PCDH15: variants seen among roughly 807,000 people sequenced by gnomAD.
PCDH15 encodes the protein protocadherin related 15.
PCDH15 carries 129 observed loss-of-function variants against 178.5 expected under a neutral mutation model. That is an observed-to-expected ratio of 0.72 (90% CI 0.63 to 0.84). The LOEUF is 0.84. Among genes scored for constraint, PCDH15 ranks in the 40% least tolerant of loss-of-function variants. The pLI is 0.00. For missense variants in PCDH15, 2,230 were observed against 2,099.9 expected (o/e 1.06, Z -1.21); for synonymous variants, 800 against 732.0 (o/e 1.09, Z -1.50).
intron 1 of PCDH15, among the ~76,000 whole-genome samples, chr10:54,724,681 T>TA (rs1266227987): frequency 2.6e-5 from 4 of 151,440 alleles, no homozygotes; most frequent in Admixed American, 6.6e-5. Context: ...TATTTCCTTT[T>TA]AAAATGGTTT....
intron 10 of PCDH15, among the ~76,000 whole-genome samples, chr10:54,197,802 T>A (rs1035061080): frequency 7.9e-5 from 12 of 152,158 alleles, no homozygotes; most frequent in African/African-American, 2.9e-4. Flanking sequence ...TTCATATTAT[T>A]TATATTGAAG....
rs1199056058 is a variant in PCDH15, at chr10:53,840,306, C to T, written c.3983+14G>A. ...GTAACCAAAGAGCTGTTACAGATAACAAAAAGCACTTACTTAAAAAGCTCA... is the reference window on the plus strand; with the variant it reads ...GTAACCAAAGAGCTGTTACAGATAATAAAAAGCACTTACTTAAAAAGCTCA... On this transcript the variant is annotated intron_variant, in intron 29 of 37. Transcript: ENST00000644397. 1 of 1,612,940 alleles carries T rather than the reference C, an allele frequency of 6.2e-7. No homozygotes were observed. Among genetic ancestry groups the T allele is most frequent in the East Asian group, 2.2e-5 (1 of 44,872 alleles).
intron 2 of PCDH15, among the ~76,000 whole-genome samples, chr10:54,655,296 G>GAGAC (rs2094368899): frequency 2.5e-5 from 3 of 120,134 alleles, no homozygotes; most frequent in African/African-American, 5.9e-5. Flanking sequence ...GAGAGAGAGA[G>GAGAC]AGAGAGACAG....
chr10:53,939,720 T>C (rs2134061985), intron 24 of PCDH15, among the ~76,000 whole-genome samples: 1 of 152,162 alleles, frequency 6.6e-6, no homozygotes, highest in East Asian at 1.9e-4. Flanking sequence ...AGAAGAGTAG[T>C]TAATACATAA....
Position 55,159,437 on chromosome 10 carries a change from C to T in PCDH15, c.-80+7139G>A, listed in dbSNP as rs149301731. 7.7e-3 allele frequency among the ~76,000 whole-genome samples: 1,050 copies of T among 136,830 alleles called. 18 individuals carry two copies. Among genetic ancestry groups the T allele is most frequent in the African/African-American group, 0.026 (995 of 37,796 alleles). The allele number at this position is 136,830 out of a possible 152,430, so 89.8% of individuals were successfully genotyped here. On this transcript the variant is annotated intron_variant, in intron 2 of 5. Coordinates refer to the PCDH15 transcript ENST00000458638. The stretch of plus-strand genomic sequence containing the variant: ...TATAAAGATATATATCTATATCTAC[C>T]TATACATACACTATACAAAGATCTC...
intron 2 of PCDH15, chr10:55,575,678 A>C (rs1342224178): frequency 6.6e-6 from 1 of 152,210 alleles, no homozygotes; most frequent in Non-Finnish European, 1.5e-5. Context: ...GCATGTCCGC[A>C]GTGCATTCCT....
At chr10:54,822,370 G>A (rs943213748) in intron 3 of PCDH15, among the ~76,000 whole-genome samples, 2 of 152,046 alleles carry the variant, frequency 1.3e-5, no homozygotes, top group Non-Finnish European at 2.9e-5. Context: ...TCCCACATAT[G>A]AGTGAAACCA....
intron 1 of PCDH15, among the ~76,000 whole-genome samples, chr10:55,283,117 T>G (rs187343538): frequency 1.0e-3 from 157 of 152,292 alleles, no homozygotes; most frequent in African/African-American, 3.7e-3. Flanking sequence ...CAAACCTCCC[T>G]AAATTGCTCC....
At chr10:54,508,193 G>C (rs1465470474) in intron 3 of PCDH15, among the ~76,000 whole-genome samples, 1 of 151,978 alleles carries the variant, frequency 6.6e-6, no homozygotes, top group African/African-American at 2.4e-5. Flanking sequence ...ACCAAACATT[G>C]TAAGTAATTT....
At chr10:55,597,470 GA>G (rs1211379806) in intron 2 of PCDH15, among the ~76,000 whole-genome samples, 1 of 151,764 alleles carries the variant, frequency 6.6e-6, no homozygotes, top group African/African-American at 2.4e-5. Context: ...ATTTAACCAT[GA>G]ACACTCCAAC....
intron 3 of PCDH15, among the ~76,000 whole-genome samples, chr10:54,821,196 C>T (rs1034886763): frequency 2.6e-5 from 4 of 151,822 alleles, no homozygotes; most frequent in Admixed American, 2.6e-4. Flanking sequence ...TAATGAAATC[C>T]ATATCAGCAT....
intron 2 of PCDH15, among the ~76,000 whole-genome samples, chr10:55,085,918 TTTAG>T (rs2132030697): frequency 6.6e-6 from 1 of 151,808 alleles, no homozygotes; most frequent in South Asian, 2.1e-4. Flanking sequence ...TTGATGACTA[TTTAG>T]TTATATGTAT....
At position 54,195,908 on chromosome 10, in the gene PCDH15, G is replaced by T. The variant is rs771313944; in HGVS notation, c.1099-19C>A. ...GTTCAGCCTAAAATTGAAAAGAAAAGAAAATATTTAGAAAGTATATGTCGT... is the reference window on the plus strand; with the variant it reads ...GTTCAGCCTAAAATTGAAAAGAAAATAAAATATTTAGAAAGTATATGTCGT... On this transcript the variant is annotated intron_variant, in intron 10 of 37. Coordinates refer to ENST00000644397, the MANE Select transcript of PCDH15 (RefSeq NM_001384140.1). 1.2e-5 allele frequency: 20 copies of T among 1,601,486 alleles called. No homozygotes were observed. The highest frequency in any genetic ancestry group is 1.7e-5 in the Non-Finnish European group (20 of 1,169,104).
At position 54,712,341 on chromosome 10, in the gene PCDH15, T is replaced by C. The variant is rs984035107; in HGVS notation, c.-28-48051A>G. ...TCATTGTTTTAAGCATTAATTTATA[T>C]TGCTAAATTTTAAAAGAGATTTAAA... is the stretch of plus-strand genomic sequence containing the variant. On this transcript the variant is annotated intron_variant, in intron 1 of 37. Transcript: ENST00000644397. 1.3e-4 allele frequency among the ~76,000 whole-genome samples: 20 copies of C among 151,880 alleles called. 1 individual carries two copies. Among genetic ancestry groups the C allele is most frequent in the Non-Finnish European group, 1.5e-5 (1 of 67,896 alleles).
chr10:54,716,449 G>A (rs1027564764), intron 1 of PCDH15, among the ~76,000 whole-genome samples: 1 of 152,116 alleles, frequency 6.6e-6, no homozygotes, highest in Non-Finnish European at 1.5e-5. Context: ...GCAGTGGTTT[G>A]TAGTTCTCCT....
At chr10:53,877,877 A>G (rs1201495897) in intron 26 of PCDH15, among the ~76,000 whole-genome samples, 1 of 152,108 alleles carries the variant, frequency 6.6e-6, no homozygotes, top group African/African-American at 2.4e-5. Context: ...TACACTGGCC[A>G]ATTTCAGGCT....
intron 2 of PCDH15, among the ~76,000 whole-genome samples, chr10:54,898,322 A>ATAT (rs1337470138): frequency 6.6e-6 from 1 of 152,190 alleles, no homozygotes; most frequent in Non-Finnish European, 1.5e-5. Context: ...TCACACTGTA[A>ATAT]TATTTTGAAG....
At chr10:53,892,169 CG>C (rs1375569044) in intron 26 of PCDH15, among the ~76,000 whole-genome samples, 3 of 151,834 alleles carry the variant, frequency 2.0e-5, no homozygotes, top group African/African-American at 7.3e-5. Flanking sequence ...GGATTACAGG[CG>C]CCTGCCACTG....
At chr10:55,341,652 C>A (rs1335558826) in intron 2 of PCDH15, among the ~76,000 whole-genome samples, 1 of 148,690 alleles carries the variant, frequency 6.7e-6, no homozygotes, top group Non-Finnish European at 1.5e-5. Flanking sequence ...TTACTCCAAC[C>A]ACCCGCTCCC....
Sources: gnomAD v4.1 joint callset for allele counts (sites outside exome capture counted in the v4.1 genomes callset) on GRCh38, gnomAD v4.1.1 for gene constraint, MANE v1.5 for transcripts, NCBI Gene and HGNC (gene_info 2026-07-23, HGNC 2026-07-21) for gene names.